Variants in ARHGAP42 observed in about 807,000 individuals in gnomAD.
ARHGAP42 encodes rho GTPase-activating protein 42.
In ARHGAP42, 63 loss-of-function variants were observed where a neutral mutation model predicts 125.0. The ratio of observed to expected loss-of-function variants is 0.50; its 90% CI spans 0.41 to 0.62. The LOEUF is 0.62. Among genes scored for constraint, ARHGAP42 ranks in the 20% least tolerant of loss-of-function variants. ARHGAP42 has a pLI of 0.00. For synonymous variants in ARHGAP42, 339 were observed against 351.0 expected (o/e 0.97, Z 0.38); for missense variants, 766 against 1,024.2 (o/e 0.75, Z 3.44).
intron 2 of ARHGAP42, among the ~76,000 whole-genome samples, chr11:100,785,482 G>A (rs1401187113): frequency 6.6e-6 from 1 of 152,228 alleles, no homozygotes; most frequent in Non-Finnish European, 1.5e-5. Context: ...TAGTGTCCTT[G>A]TGGGTGTGTG....
At chr11:100,840,851 T>C (rs1864930620) in intron 3 of ARHGAP42, among the ~76,000 whole-genome samples, 1 of 152,180 alleles carries the variant, frequency 6.6e-6, no homozygotes, top group Non-Finnish European at 1.5e-5. Context: ...AAACATCATT[T>C]TACTTCAGGT....
chr11:100,987,567 C>T lies in ARHGAP42; in HGVS notation c.2511C>T (p.Phe837=), dbSNP rs1032815324. Residue 837 remains phenylalanine (F), a synonymous_variant, in exon 23 of 24, where the codon TTC becomes TTT. Coordinates refer to ENST00000298815, the MANE Select transcript of ARHGAP42 (RefSeq NM_152432.4). The stretch of plus-strand genomic sequence containing the variant: ...CAGAGCACAGTCATGAGCTTTCCTT[C>T]CCACAAGGAGCAATATTTTCTAATG... ...CKAEHSHELS[F]PQGAIFSNVY... The T allele has an allele frequency of 6.4e-7, 1 of 1,551,732 alleles. No homozygotes were observed. Among genetic ancestry groups the T allele is most frequent in the South Asian group, 1.2e-5 (1 of 84,048 alleles).
intron 5 of ARHGAP42, among the ~76,000 whole-genome samples, chr11:100,914,100 A>G (rs1867002121): frequency 6.6e-6 from 1 of 151,904 alleles, no homozygotes; most frequent in Non-Finnish European, 1.5e-5. Flanking sequence ...AAGCCCAGCT[A>G]ATTTTTGTAT....
chr11:100,937,265 A>G (rs975044524), intron 8 of ARHGAP42, among the ~76,000 whole-genome samples: 2 of 152,142 alleles, frequency 1.3e-5, no homozygotes, highest in Non-Finnish European at 2.9e-5. Context: ...CTGTTTTCAT[A>G]TCTAAACATG....
At chr11:100,835,326 A>G (rs1864759454) in intron 3 of ARHGAP42, among the ~76,000 whole-genome samples, 1 of 152,188 alleles carries the variant, frequency 6.6e-6, no homozygotes, top group Non-Finnish European at 1.5e-5. Flanking sequence ...TTACAGTTAT[A>G]CATGCACGTC....
chr11:100,922,896 C>T (rs998306417), intron 6 of ARHGAP42, among the ~76,000 whole-genome samples: 19 of 152,210 alleles, frequency 1.2e-4, no homozygotes, highest in African/African-American at 4.3e-4. Context: ...GATTAAGGAA[C>T]TGAAGACCAC....
chr11:100,803,001 A>T (rs1373644571), intron 3 of ARHGAP42, among the ~76,000 whole-genome samples: 3 of 152,200 alleles, frequency 2.0e-5, no homozygotes, highest in African/African-American at 7.2e-5. Flanking sequence ...GCGCTCATGA[A>T]GCTTGCATTC....
In ARHGAP42 at chr11:100,724,543, G is replaced by A. The variant is rs145603977; in HGVS notation, c.154+36711G>A. Among the ~76,000 whole-genome samples, 1,261 of 152,080 alleles carry A rather than the reference G, an allele frequency of 8.3e-3. 14 individuals are homozygous for A. The highest frequency in any genetic ancestry group is 0.029 in the African/African-American group (1,210 of 41,536). On this transcript the variant is annotated intron_variant, in intron 1 of 23. Coordinates refer to ENST00000298815, the MANE Select transcript of ARHGAP42 (RefSeq NM_152432.4). ...CTACTTGGGTGAATTTTGAAAGTTT[G>A]TATCTTTCAAGGTATTGGTTCAGTT...
chr11:100,944,675 TAA>T (rs909109692), intron 10 of ARHGAP42, among the ~76,000 whole-genome samples: 1 of 152,002 alleles, frequency 6.6e-6, no homozygotes, highest in Non-Finnish European at 1.5e-5. Flanking sequence ...TCGGTGCATA[TAA>T]AAGTTATGTT....
rs143583957 is a variant in ARHGAP42 at position 100,814,187 on chromosome 11, C to T, written c.312+19021C>T. Among the ~76,000 whole-genome samples the T allele has an allele frequency of 4.1e-3, 613 of 150,900 alleles. 6 individuals carry two copies. Among genetic ancestry groups the T allele is most frequent in the African/African-American group, 0.014 (594 of 41,104 alleles). ...CAGCCTGGGCATCAGTGCGAGACTC[C>T]GTCTCTTAAAAAAAAAAATATTAGC... On this transcript the variant is annotated intron_variant, in intron 3 of 23. Coordinates refer to ENST00000298815, the MANE Select transcript of ARHGAP42 (RefSeq NM_152432.4).
At chr11:100,828,055 G>T (rs1284067423) in intron 3 of ARHGAP42, among the ~76,000 whole-genome samples, 2 of 152,172 alleles carry the variant, frequency 1.3e-5, no homozygotes, top group Non-Finnish European at 2.9e-5. Flanking sequence ...CTATCACTGA[G>T]CAGGTGAAAA....
chr11:100,834,055 T>A (rs1413676501), intron 3 of ARHGAP42, among the ~76,000 whole-genome samples: 4 of 152,126 alleles, frequency 2.6e-5, no homozygotes, highest in African/African-American at 9.6e-5. Flanking sequence ...CCATATTGAT[T>A]TCTATATGGT....
chr11:100,730,778 T>C (rs1861942297), intron 1 of ARHGAP42, among the ~76,000 whole-genome samples: 1 of 152,246 alleles, frequency 6.6e-6, no homozygotes, highest in Non-Finnish European at 1.5e-5. Flanking sequence ...AAAAACCTAG[T>C]TGGTATAATT....
chr11:100,987,330 T>G (rs3740749), intron 22 of ARHGAP42, among the ~76,000 whole-genome samples, 183 bp from the exon 23 acceptor site: 15,423 of 152,214 alleles, frequency 0.1, 1,114 homozygotes, highest in East Asian at 0.39. Context: ...ATCCTTGATT[T>G]CTTGATCTGG....
chr11:100,764,322 C>A (rs561275167), intron 1 of ARHGAP42, among the ~76,000 whole-genome samples: 2 of 152,314 alleles, frequency 1.3e-5, no homozygotes, highest in South Asian at 2.1e-4. Flanking sequence ...ATATGCCTAG[C>A]CCCTCCCAGT....
intron 1 of ARHGAP42, among the ~76,000 whole-genome samples, chr11:100,710,925 G>T (rs1376972069): frequency 6.6e-6 from 1 of 152,162 alleles, no homozygotes; most frequent in Non-Finnish European, 1.5e-5. Context: ...ACCCTGTGGT[G>T]CCACACCCCC....
At chr11:100,966,719 A>ATATCTATCTAC (rs1858104416) in intron 17 of ARHGAP42, among the ~76,000 whole-genome samples, 2 of 152,158 alleles carry the variant, frequency 1.3e-5, no homozygotes, top group African/African-American at 4.8e-5. Flanking sequence ...TATAAATATT[A>ATATCTATCTAC]TATCTATCTA....
intron 1 of ARHGAP42, among the ~76,000 whole-genome samples, chr11:100,741,556 C>G (rs1862187847): frequency 6.6e-6 from 1 of 152,190 alleles, no homozygotes; most frequent in Admixed American, 6.5e-5. Context: ...TTGAAGAACC[C>G]TGAAGACCTA....
intron 3 of ARHGAP42, among the ~76,000 whole-genome samples, chr11:100,841,989 G>C (rs1293469305): frequency 6.6e-6 from 1 of 152,174 alleles, no homozygotes; most frequent in Non-Finnish European, 1.5e-5. Flanking sequence ...GGAGAGATTT[G>C]TATTACACTG....
Sources: gnomAD v4.1 joint callset for allele counts (sites outside exome capture counted in the v4.1 genomes callset) on GRCh38, gnomAD v4.1.1 for gene constraint, MANE v1.5 for transcripts, NCBI Gene and HGNC (gene_info 2026-07-23, HGNC 2026-07-21) for gene names.